Variants in WSCD2 observed in about 807,000 individuals in gnomAD.
WSCD2 encodes sialate:O-sulfotransferase 2.
A neutral mutation model predicts 55.7 loss-of-function variants in WSCD2; 28 were observed. The ratio of observed to expected loss-of-function variants is 0.50; its 90% CI spans 0.37 to 0.69. The LOEUF (loss-of-function observed/expected upper bound fraction) is 0.69. WSCD2 is among the 30% of genes least tolerant of loss of function. WSCD2 has a pLI of 0.00. For synonymous variants in WSCD2, 301 were observed against 301.9 expected (o/e 1.00, Z 0.03); for missense variants, 616 against 762.1 (o/e 0.81, Z 2.26).
Position 108,149,260 on chromosome 12 carries a change from A to C in WSCD2, c.-552+19334A>C, listed in dbSNP as rs77334596. 4.5e-3 allele frequency among the ~76,000 whole-genome samples: 691 copies of C among 152,336 alleles called. 10 individuals carry two copies. Among genetic ancestry groups the C allele is most frequent in the African/African-American group, 0.016 (652 of 41,578 alleles). ...ATTTGCAGTCAAGCTAAACATTGGG[A>C]AACCTCTGAGCAAATGGAGGGTCTT... On this transcript the variant is annotated intron_variant, in intron 1 of 8. Coordinates refer to ENST00000547525, the MANE Select transcript of WSCD2 (RefSeq NM_014653.4).
chr12:108,179,351 A>G (rs1358442741), intron 1 of WSCD2, among the ~76,000 whole-genome samples: 1 of 152,166 alleles, frequency 6.6e-6, no homozygotes, highest in African/African-American at 2.4e-5. Context: ...CTCCTGCTCT[A>G]TGCAGCCCCT....
Position 108,137,467 on chromosome 12 carries a change from G to A in WSCD2, c.-552+7541G>A, listed in dbSNP as rs77734402. On this transcript the variant is annotated intron_variant, in intron 1 of 8. Transcript: ENST00000547525. ...ATAGCACATAGAGGAAGCAAGTGAT[G>A]AGACTGTAGAATGGTAGAGAGTGCA... 5.9e-3 allele frequency among the ~76,000 whole-genome samples: 893 copies of A among 152,348 alleles called. 9 individuals carry two copies. Among genetic ancestry groups the A allele is most frequent in the Non-Finnish European group, 5.9e-3 (401 of 68,034 alleles).
At chr12:108,194,774 C>T (rs1224120888) in intron 1 of WSCD2, among the ~76,000 whole-genome samples, 1 of 152,104 alleles carries the variant, frequency 6.6e-6, no homozygotes, top group Non-Finnish European at 1.5e-5. Context: ...TTGCCTCTGC[C>T]GCTCACAGCT....
At chr12:108,226,276 A>G (rs1888077118) in intron 5 of WSCD2, among the ~76,000 whole-genome samples, 1 of 152,120 alleles carries the variant, frequency 6.6e-6, no homozygotes, top group Non-Finnish European at 1.5e-5. Context: ...GCCAGATCTC[A>G]GGTCCATCTT....
At chr12:108,187,320 T>C (rs533401877) in intron 1 of WSCD2, among the ~76,000 whole-genome samples, 1 of 152,332 alleles carries the variant, frequency 6.6e-6, no homozygotes, top group Admixed American at 6.5e-5. Context: ...CACCAACTCA[T>C]TGAACCTTTA....
chr12:108,168,797 T>G (rs1879926603), intron 1 of WSCD2, among the ~76,000 whole-genome samples: 1 of 152,218 alleles, frequency 6.6e-6, no homozygotes, highest in Non-Finnish European at 1.5e-5. Context: ...AGCTGTGTTT[T>G]TATACCATTC....
Position 108,183,207 on chromosome 12 carries a change from G to A in WSCD2, c.-551-12075G>A, listed in dbSNP as rs563674682. Among the ~76,000 whole-genome samples, 252 of 152,308 alleles carry A rather than the reference G, an allele frequency of 1.7e-3. 1 individual carries two copies. Among genetic ancestry groups the A allele is most frequent in the African/African-American group, 5.7e-3 (236 of 41,556 alleles). ...CTTTATTCTTTTGACAATTCCAGGGGATGAAGAAACCACCTTTGGTCAAAA... is the reference window on the plus strand; with the variant it reads ...CTTTATTCTTTTGACAATTCCAGGGAATGAAGAAACCACCTTTGGTCAAAA... On this transcript the variant is annotated intron_variant, in intron 1 of 8. Transcript: ENST00000547525.
rs1252185113 is a variant in WSCD2 at position 108,210,423 on chromosome 12, A to G, written c.682+118A>G. 1.5e-6 allele frequency: 2 copies of G among 1,338,674 alleles called. No homozygotes were observed. The highest frequency in any genetic ancestry group is 2.0e-6 in the Non-Finnish European group (2 of 999,892). 82.9% of individuals were successfully genotyped at this position (1,338,674 alleles called of 1,614,324 possible). The stretch of plus-strand genomic sequence containing the variant: ...CATGGCTCCCCATCACTCCAAGGCC[A>G]CCACCGTCCTGCCCCTGCCTCACCT... On this transcript the variant is annotated intron_variant, in intron 4 of 8. Transcript: ENST00000547525. This position sits in a 1 kb window ranked among gnomAD's most constrained non-coding sequence, Gnocchi z 4.3.
chr12:108,132,220 T>G (rs1875631886), intron 1 of WSCD2, among the ~76,000 whole-genome samples: 1 of 152,196 alleles, frequency 6.6e-6, no homozygotes, highest in South Asian at 2.1e-4. Flanking sequence ...CCCATCCCAG[T>G]GACATGGAGT....
intron 2 of WSCD2, chr12:108,197,313 C>T (rs1438079079): frequency 1.3e-5 from 2 of 152,282 alleles, no homozygotes; most frequent in South Asian, 4.1e-4. Context: ...AGTCCTGCCC[C>T]CAACCTGGCC....
At chr12:108,147,864 A>G (rs1392668312) in intron 1 of WSCD2, among the ~76,000 whole-genome samples, 2 of 151,826 alleles carry the variant, frequency 1.3e-5, no homozygotes, top group Non-Finnish European at 2.9e-5. Context: ...CTCAGAAAAA[A>G]AAAAAAGAAA....
chr12:108,220,702 A>AT (rs1217238132), intron 4 of WSCD2, among the ~76,000 whole-genome samples: 3 of 151,520 alleles, frequency 2.0e-5, no homozygotes, highest in African/African-American at 7.3e-5. Flanking sequence ...GCTAATTAAA[A>AT]ATATATATAT....
rs969864594 is a variant in WSCD2 at position 108,210,695 on chromosome 12, C to A, written c.682+390C>A. ...CAAACACTTTGTCCTTTTCTCCATG[C>A]CTCATATAGAATAGCACATCTAATC... is the stretch of plus-strand genomic sequence containing the variant. On this transcript the variant is annotated intron_variant, in intron 4 of 8. Coordinates refer to ENST00000547525, the MANE Select transcript of WSCD2 (RefSeq NM_014653.4). The surrounding 1 kb of genome is among the most constrained non-coding windows in gnomAD (Gnocchi z 4.3). Among the ~76,000 whole-genome samples, 2 of 152,146 alleles carry A rather than the reference C, an allele frequency of 1.3e-5. No individual in the cohort carries two copies. Among genetic ancestry groups the A allele is most frequent in the Non-Finnish European group, 2.9e-5 (2 of 68,030 alleles).
In WSCD2 at chr12:108,224,821, C is replaced by T; in HGVS notation, c.765C>T (p.Asn255=). 2 of 1,613,784 alleles carry T rather than the reference C, an allele frequency of 1.2e-6. No individual in the cohort carries two copies. Among genetic ancestry groups the T allele is most frequent in the Non-Finnish European group, 1.7e-6 (2 of 1,180,032 alleles). ...TACCCGTGACAGCTGCCATGCTGAACATGTCTGTGGACAAATGCGTGGACT... is the reference window on the plus strand; with the variant it reads ...TACCCGTGACAGCTGCCATGCTGAATATGTCTGTGGACAAATGCGTGGACT... ...LALPVTAAML[N]MSVDKCVDFC... Residue 255 remains asparagine, a synonymous_variant, in exon 5 of 9, where the codon AAC becomes AAT. Coordinates refer to ENST00000547525, the MANE Select transcript of WSCD2 (RefSeq NM_014653.4).
chr12:108,154,018 C>T (rs1052866585), intron 1 of WSCD2, among the ~76,000 whole-genome samples: 1 of 152,138 alleles, frequency 6.6e-6, no homozygotes, highest in African/African-American at 2.4e-5. Context: ...CAACACATGG[C>T]TGTAAAGCAT....
intron 1 of WSCD2, among the ~76,000 whole-genome samples, chr12:108,176,291 C>G (rs1013655765): frequency 6.6e-6 from 1 of 152,228 alleles, no homozygotes; most frequent in Non-Finnish European, 1.5e-5. Context: ...CCATCACCCT[C>G]AATTCCTCTT....
intron 1 of WSCD2, among the ~76,000 whole-genome samples, chr12:108,187,822 C>G (rs1348152151): frequency 6.6e-6 from 1 of 152,162 alleles, no homozygotes; most frequent in Non-Finnish European, 1.5e-5. Flanking sequence ...CACACAGCCA[C>G]CACCGCCCTG....
chr12:108,206,179 C>A, intron 2 of WSCD2, 110 bp from the exon 3 acceptor site: 1 of 854,384 alleles, frequency 1.2e-6, no homozygotes, highest in Non-Finnish European at 1.9e-6. Flanking sequence ...AAGGACTTGA[C>A]ATTAAAAGGT....
intron 2 of WSCD2, among the ~76,000 whole-genome samples, chr12:108,200,395 CAG>C (rs1446007502): frequency 6.6e-6 from 1 of 152,230 alleles, no homozygotes; most frequent in Non-Finnish European, 1.5e-5. Context: ...CCGATTTGAT[CAG>C]AGTCCAAAGC....
Sources: allele counts gnomAD v4.1 joint callset (sites outside exome capture counted in the v4.1 genomes callset), GRCh38; gene constraint gnomAD v4.1.1; non-coding constraint Gnocchi (gnomAD v3.1); transcripts MANE v1.5; gene names NCBI Gene and HGNC (gene_info 2026-07-23, HGNC 2026-07-21).